SORCS3: variants seen among roughly 807,000 people sequenced by gnomAD.
SORCS3 encodes the protein sortilin related VPS10 domain containing receptor 3.
A neutral mutation model predicts 146.3 loss-of-function variants in SORCS3; 57 were observed. The observed-to-expected ratio is 0.39, with a 90% CI of 0.31 to 0.49. The LOEUF is 0.49. SORCS3 is among the 20% of genes least tolerant of loss of function. SORCS3 has a pLI of 0.92. For synonymous variants in SORCS3, 653 were observed against 618.5 expected (o/e 1.06, Z -0.83); for missense variants, 1,341 against 1,575.5 (o/e 0.85, Z 2.52).
chr10:104,956,250 A>G (rs1356830768), intron 3 of SORCS3, among the ~76,000 whole-genome samples: 1 of 152,222 alleles, frequency 6.6e-6, no homozygotes, highest in East Asian at 1.9e-4. Flanking sequence ...ATAATCCGAC[A>G]TTACAAATGA....
At chr10:105,000,471 T>G (rs2055054394) in intron 4 of SORCS3, among the ~76,000 whole-genome samples, 2 of 151,954 alleles carry the variant, frequency 1.3e-5, no homozygotes, top group South Asian at 4.2e-4. Context: ...GGTAGTGGTG[T>G]TTGTTTTCTT....
intron 11 of SORCS3, among the ~76,000 whole-genome samples, chr10:105,162,596 C>T (rs577278994): frequency 2.4e-4 from 37 of 152,252 alleles, no homozygotes; most frequent in South Asian, 6.2e-4. Context: ...CTCTGTGATC[C>T]GTAACATTTT....
At chr10:104,900,386 T>G (rs1001660102) in intron 2 of SORCS3, among the ~76,000 whole-genome samples, 2 of 152,176 alleles carry the variant, frequency 1.3e-5, no homozygotes, top group African/African-American at 4.8e-5. Flanking sequence ...TCCAGGATAG[T>G]GAGATGGATT....
intron 2 of SORCS3, among the ~76,000 whole-genome samples, chr10:104,868,337 C>T (rs898234566): frequency 1.3e-5 from 2 of 152,162 alleles, no homozygotes; most frequent in Non-Finnish European, 2.9e-5. Context: ...AAGTTCTAAC[C>T]CCTGAGCAAT....
chr10:104,926,139 G>A (rs1368578681), intron 3 of SORCS3, among the ~76,000 whole-genome samples: 1 of 152,202 alleles, frequency 6.6e-6, no homozygotes, highest in Non-Finnish European at 1.5e-5. Flanking sequence ...TCCTTGGAGA[G>A]GATGCAGCTC....
chr10:104,752,098 G>A (rs1242185475), intron 1 of SORCS3, among the ~76,000 whole-genome samples: 4 of 150,480 alleles, frequency 2.7e-5, no homozygotes, highest in South Asian at 2.1e-4. Flanking sequence ...GCAGTGGTGC[G>A]ATCTCAGCTC....
intron 1 of SORCS3, among the ~76,000 whole-genome samples, chr10:104,699,295 T>C (rs1393604691): frequency 6.6e-6 from 1 of 152,140 alleles, no homozygotes; most frequent in African/African-American, 2.4e-5. Context: ...GCAGAGCTCT[T>C]GATGGGGGAG....
In SORCS3 at chr10:104,641,575, G is replaced by C. The variant is rs1238337700; in HGVS notation, c.248G>C (p.Arg83Pro). 2 of 1,476,422 alleles carry C rather than the reference G, an allele frequency of 1.4e-6. No homozygotes were observed. Among genetic ancestry groups the C allele is most frequent in the East Asian group, 5.7e-5 (2 of 35,136 alleles). 91.5% of individuals were successfully genotyped at this position (1,476,422 alleles called of 1,614,324 possible). A position where few individuals can be genotyped will look rare whatever the true frequency, so the allele number is the denominator to read the frequency against. The change falls in exon 1 of 27, where the codon CGC becomes CCC. Residue 83 changes from arginine to proline, a missense_variant. Arg to Pro is a moderately radical substitution (Grantham distance 103). Transcript: ENST00000369701. This position sits in a 1 kb window ranked among gnomAD's most constrained non-coding sequence, Gnocchi z 6.4. Reference sequence around the variant, plus strand: ...GCGCGGAGAGCCGCCGTGCTGGGGCGCCGGGCCGGACCAGAGCTGCTGCCC... The same window carrying C: ...GCGCGGAGAGCCGCCGTGCTGGGGCCCCGGGCCGGACCAGAGCTGCTGCCC... ...ASARRAAVLG[R>P]RAGPELLPQQ...
chr10:104,864,885 T>A (rs118025422), intron 2 of SORCS3, among the ~76,000 whole-genome samples: 133 of 152,236 alleles, frequency 8.7e-4, no homozygotes, highest in Middle Eastern at 3.4e-3. Flanking sequence ...CTCCCTACCT[T>A]CCCCTGGTGC....
In SORCS3 at chr10:104,805,473, A is replaced by AT. The variant is rs893008326; in HGVS notation, c.628-37311dup. Reference sequence around the variant, plus strand: ...TTTTGGCTAGAAGAGTGTGGAAGACATTTTTTTTAAAAGGTGGGTTGGAGT... The same window carrying AT: ...TTTTGGCTAGAAGAGTGTGGAAGACATTTTTTTTTAAAAGGTGGGTTGGAGT... On this transcript the variant is annotated intron_variant, in intron 1 of 26. Coordinates refer to ENST00000369701, the MANE Select transcript of SORCS3 (RefSeq NM_014978.3). Among the ~76,000 whole-genome samples the AT allele has an allele frequency of 1.1e-4, 17 of 152,134 alleles. No homozygotes were observed. In the East Asian group the frequency reaches 1.5e-3, roughly 14 times the overall value.
chr10:104,921,485 G>GCC (rs2019086072), intron 3 of SORCS3, among the ~76,000 whole-genome samples: 1 of 146,352 alleles, frequency 6.8e-6, no homozygotes, highest in Admixed American at 6.8e-5. Context: ...AGAGGTACAT[G>GCC]TCTCTCTCTC....
intron 3 of SORCS3, among the ~76,000 whole-genome samples, chr10:104,925,428 C>T (rs979323377): frequency 1.3e-5 from 2 of 152,200 alleles, no homozygotes; most frequent in African/African-American, 4.8e-5. Flanking sequence ...ACCAGAATAA[C>T]TCCCCCTGGT....
chr10:104,748,889 G>A (rs1453393179), intron 1 of SORCS3, among the ~76,000 whole-genome samples: 3 of 152,156 alleles, frequency 2.0e-5, no homozygotes, highest in South Asian at 2.1e-4. Flanking sequence ...TTCTCCTTCC[G>A]GGTCTCTACC....
At chr10:104,828,267 T>A (rs2017960507) in intron 1 of SORCS3, among the ~76,000 whole-genome samples, 1 of 152,190 alleles carries the variant, frequency 6.6e-6, no homozygotes, top group Non-Finnish European at 1.5e-5. Flanking sequence ...GATGTGTGAC[T>A]CTTCCTTTTA....
chr10:105,081,382 G>A (rs1195321050), intron 5 of SORCS3, among the ~76,000 whole-genome samples: 1 of 152,194 alleles, frequency 6.6e-6, no homozygotes, highest in Non-Finnish European at 1.5e-5. Context: ...AATGTTCCAA[G>A]TTGGATTCTA....
intron 1 of SORCS3, among the ~76,000 whole-genome samples, chr10:104,696,682 A>AATATATACGTATATATT (rs1213170898): frequency 8.6e-5 from 1 of 11,646 alleles, no homozygotes; most frequent in Non-Finnish European, 1.6e-4. Flanking sequence ...TAACATATAT[A>AATATATACGTATATATT]ATATATAATA....
intron 1 of SORCS3, among the ~76,000 whole-genome samples, chr10:104,759,133 A>G (rs2133475152): frequency 6.6e-6 from 1 of 152,286 alleles, no homozygotes; most frequent in East Asian, 1.9e-4. Context: ...ACATATAGGG[A>G]GGATGCCATG....
intron 3 of SORCS3, among the ~76,000 whole-genome samples, chr10:104,931,020 G>C (rs1589554120): frequency 6.6e-6 from 1 of 152,122 alleles, no homozygotes; most frequent in Non-Finnish European, 1.5e-5. Flanking sequence ...TTCCATGTTT[G>C]ATCTACCCAT....
At chr10:105,174,480 TC>T (rs1304257056) in intron 13 of SORCS3, among the ~76,000 whole-genome samples, 50 of 152,280 alleles carry the variant, frequency 3.3e-4, no homozygotes, top group African/African-American at 1.2e-3. Context: ...TGGCAGCCTA[TC>T]CAGACCCAAA....
Sources: allele counts gnomAD v4.1 joint callset (sites outside exome capture counted in the v4.1 genomes callset), GRCh38; gene constraint gnomAD v4.1.1; non-coding constraint Gnocchi (gnomAD v3.1); transcripts MANE v1.5; gene names NCBI Gene and HGNC (gene_info 2026-07-23, HGNC 2026-07-21).